The following MSL2 variants were observed in gnomAD, a reference collection of about 807,000 sequenced individuals.
The protein encoded by MSL2 is E3 ubiquitin-protein ligase MSL2.
MSL2 carries 2 observed loss-of-function variants against 35.8 expected under a neutral mutation model. The observed-to-expected ratio is 0.06, with a 90% confidence interval of 0.02 to 0.18. The LOEUF is 0.18. MSL2 is among the 10% of genes least tolerant of loss of function. MSL2 has a pLI of 1.00. For missense variants in MSL2, 523 were observed against 706.7 expected (o/e 0.74, Z 2.95); for synonymous variants, 296 against 255.7 (o/e 1.16, Z -1.50).
At chr3:136,194,687 A>T in intron 1 of MSL2, 2 of 359,972 alleles carry the variant, frequency 5.6e-6, no homozygotes, top group Non-Finnish European at 9.6e-6. Context: ...AGCCTTGTGC[A>T]TGCATCTTAC....
intron 1 of MSL2, among the ~76,000 whole-genome samples, chr3:136,185,666 C>T (rs1279091525): frequency 2.0e-5 from 3 of 151,620 alleles, no homozygotes; most frequent in Non-Finnish European, 4.4e-5. Context: ...CCACCACGCC[C>T]GGCTAATTTT....
At chr3:136,172,461 T>C (rs1000350189) in intron 1 of MSL2, among the ~76,000 whole-genome samples, 2 of 152,132 alleles carry the variant, frequency 1.3e-5, no homozygotes, top group Non-Finnish European at 2.9e-5. Context: ...CCCATCCAGT[T>C]ATTCCCTATG....
At chr3:136,190,029 C>T (rs994642381) in intron 1 of MSL2, among the ~76,000 whole-genome samples, 4 of 151,918 alleles carry the variant, frequency 2.6e-5, no homozygotes, top group South Asian at 2.1e-4. Context: ...TGCAGTAAGC[C>T]GAGATCATGC....
Position 136,195,645 on chromosome 3 carries a change from C to G in MSL2, c.-532G>C. The G allele has an allele frequency of 1.0e-6, 1 of 980,470 alleles. No homozygotes were observed. Among genetic ancestry groups the G allele is most frequent in the African/African-American group, 1.7e-5 (1 of 57,364 alleles). 60.7% of individuals were successfully genotyped at this position (980,470 alleles called of 1,614,324 possible). On this transcript the variant is annotated 5_prime_UTR_variant, in exon 1 of 2. Transcript: ENST00000309993. ...AAGGACGACGGTCGGGCAGCGGCTT[C>G]CCGGATCTAGTGCAAGACGCCGCGG...
chr3:136,175,402 T>C (rs1176892882), intron 1 of MSL2, among the ~76,000 whole-genome samples: 2 of 151,200 alleles, frequency 1.3e-5, no homozygotes, highest in African/African-American at 4.9e-5. Flanking sequence ...AAGTCTGAGA[T>C]AGGCCAGGTG....
rs960202497 is a variant in MSL2, at chr3:136,148,917, T to C, written c.*2230A>G. Reference sequence around the variant, plus strand: ...CCAAACTCTTCAGTATTCTACAACATAGAATTAGAAAACTATCATTTATTG... The same window carrying C: ...CCAAACTCTTCAGTATTCTACAACACAGAATTAGAAAACTATCATTTATTG... On this transcript the variant is annotated 3_prime_UTR_variant, in exon 2 of 2. Coordinates refer to ENST00000309993, the MANE Select transcript of MSL2 (RefSeq NM_018133.4). 5 of 152,582 alleles carry C rather than the reference T, an allele frequency of 3.3e-5. No homozygotes were observed. The highest frequency in any genetic ancestry group is 9.7e-5 in the African/African-American group (4 of 41,440). The allele number at this position is 152,582 out of a possible 1,614,324, so 9.5% of individuals were successfully genotyped here. A position where few individuals can be genotyped will look rare whatever the true frequency, so the allele number is the denominator to read the frequency against.
intron 1 of MSL2, among the ~76,000 whole-genome samples, chr3:136,185,926 A>T (rs1940508624): frequency 6.6e-6 from 1 of 152,204 alleles, no homozygotes. Context: ...AATTACATAC[A>T]GACAAGGTAA....
intron 1 of MSL2, among the ~76,000 whole-genome samples, chr3:136,171,405 G>A (rs1263885200): frequency 6.6e-6 from 1 of 152,182 alleles, no homozygotes; most frequent in African/African-American, 2.4e-5. Context: ...GGCCCAAGGA[G>A]CCAGGTACTT....
At chr3:136,194,304 ATTTT>A in intron 1 of MSL2, 4 of 611,154 alleles carry the variant, frequency 6.5e-6, no homozygotes, top group South Asian at 1.4e-4. Context: ...CCACGAGTTA[ATTTT>A]TTTTAACAAA....
intron 1 of MSL2, among the ~76,000 whole-genome samples, chr3:136,165,982 C>T (rs1282913875): frequency 7.4e-6 from 1 of 134,628 alleles, no homozygotes; most frequent in Non-Finnish European, 1.5e-5. Flanking sequence ...TGTATCAAAA[C>T]ATTTAATGTA....
Position 136,169,178 on chromosome 3 carries a change from A to T in MSL2, c.143-16440T>A, listed in dbSNP as rs114504219. Among the ~76,000 whole-genome samples, 906 of 118,966 alleles carry T rather than the reference A, an allele frequency of 7.6e-3. 14 individuals are homozygous for T. Among genetic ancestry groups the T allele is most frequent in the African/African-American group, 0.028 (860 of 30,736 alleles). 78.0% of individuals were successfully genotyped at this position (118,966 alleles called of 152,430 possible). The stretch of plus-strand genomic sequence containing the variant: ...AATGTAGTCTTGGATTCTGCCAGGC[A>T]AATCTTTCCTGTACCATGGGGGCAT... On this transcript the variant is annotated intron_variant, in intron 1 of 1. Transcript: ENST00000309993.
At chr3:136,157,064 C>T (rs1038665520) in intron 1 of MSL2, among the ~76,000 whole-genome samples, 1 of 152,150 alleles carries the variant, frequency 6.6e-6, no homozygotes, top group African/African-American at 2.4e-5. Context: ...AAAGCAAAGT[C>T]TCAAGTCAAT....
intron 1 of MSL2, among the ~76,000 whole-genome samples, chr3:136,156,927 A>T (rs1939546775): frequency 6.6e-6 from 1 of 152,230 alleles, no homozygotes; most frequent in Non-Finnish European, 1.5e-5. Flanking sequence ...ACTGTTGAAG[A>T]AGAGAAAATG....
intron 1 of MSL2, among the ~76,000 whole-genome samples, chr3:136,176,641 T>A (rs1233590505): frequency 6.6e-6 from 1 of 151,186 alleles, no homozygotes; most frequent in East Asian, 1.9e-4. Context: ...CCTGGGCAAC[T>A]GAGTGAGACC....
At position 136,195,338 on chromosome 3, in the gene MSL2, A is replaced by G. The variant is rs752714503; in HGVS notation, c.-225T>C. On this transcript the variant is annotated 5_prime_UTR_variant, in exon 1 of 2. Transcript: ENST00000309993. Reference sequence around the variant, plus strand: ...CGTCCCTGAGACTTCCAGACCAAAAATATGAGAGAGAAACCAGCGTTCGAG... The same window carrying G: ...CGTCCCTGAGACTTCCAGACCAAAAGTATGAGAGAGAAACCAGCGTTCGAG... 1 of 1,323,384 alleles carries G rather than the reference A, an allele frequency of 7.6e-7. No individual in the cohort carries two copies. The highest frequency in any genetic ancestry group is 9.6e-7 in the Non-Finnish European group (1 of 1,038,942). 82.0% of individuals were successfully genotyped at this position (1,323,384 alleles called of 1,614,324 possible). A position where few individuals can be genotyped will look rare whatever the true frequency, so the allele number is the denominator to read the frequency against.
chr3:136,169,709 T>C (rs1939965385), intron 1 of MSL2, among the ~76,000 whole-genome samples: 2 of 151,656 alleles, frequency 1.3e-5, no homozygotes, highest in African/African-American at 2.4e-5. Flanking sequence ...TGCCTCGGCC[T>C]CCCAAAGTGC....
In MSL2 at chr3:136,188,860, AC is replaced by A. The variant is rs200702044; in HGVS notation, c.142+6111del. Among the ~76,000 whole-genome samples, 979 of 151,934 alleles carry A rather than the reference AC, an allele frequency of 6.4e-3. 6 individuals are homozygous for A. Among genetic ancestry groups the A allele is most frequent in the Non-Finnish European group, 0.011 (777 of 67,968 alleles). On this transcript the variant is annotated intron_variant, in intron 1 of 1. Coordinates refer to ENST00000309993, the MANE Select transcript of MSL2 (RefSeq NM_018133.4). ...TACAGTACCATACTGCCTGCCTTGAACCCACATTTAAACTATTATTACCTTT... is the reference window on the plus strand; with the variant it reads ...TACAGTACCATACTGCCTGCCTTGAACCACATTTAAACTATTATTACCTTT...
chr3:136,158,214 A>G (rs1362108994), intron 1 of MSL2, among the ~76,000 whole-genome samples: 11 of 152,064 alleles, frequency 7.2e-5, no homozygotes, highest in Admixed American at 7.2e-4. Flanking sequence ...CAGGAGGCTG[A>G]GGCAGGAGAA....
chr3:136,192,955 G>T (rs1378173724), intron 1 of MSL2, among the ~76,000 whole-genome samples: 1 of 152,042 alleles, frequency 6.6e-6, no homozygotes, highest in African/African-American at 2.4e-5. Flanking sequence ...CAAAGAGATG[G>T]GAGGAAAAAA....
Sources: gnomAD v4.1 joint callset for allele counts (sites outside exome capture counted in the v4.1 genomes callset) on GRCh38, gnomAD v4.1.1 for gene constraint, MANE v1.5 for transcripts, NCBI Gene and HGNC (gene_info 2026-07-23, HGNC 2026-07-21) for gene names.